The following ZNF593OS variants were observed in gnomAD, a reference collection of about 807,000 sequenced individuals.
ZNF593OS encodes the protein transmembrane protein ZNF593OS.
chr1:26,169,968 C>A (rs192858572), downstream of ZNF593OS: 269 of 1,531,082 alleles, frequency 1.8e-4, 1 homozygote, highest in African/African-American at 3.5e-3. Flanking sequence ...CTTGGCCGGC[C>A]GGGCTGTTTC....
downstream of ZNF593OS, chr1:26,170,386 C>T (rs771627071): frequency 4.3e-5 from 69 of 1,601,120 alleles, no homozygotes; most frequent in Non-Finnish European, 5.7e-5. Context: ...ACTATCACCT[C>T]CTCACTCTCC....
At chr1:26,170,213 G>A (rs567699749), downstream of ZNF593OS, 42 of 1,578,950 alleles carry the variant, frequency 2.7e-5, no homozygotes, top group South Asian at 3.9e-4. Context: ...GGCCTGGGGC[G>A]GAGGAGGGTC....
chr1:26,170,411 C>T (rs756607958), downstream of ZNF593OS: 4 of 1,612,916 alleles, frequency 2.5e-6, no homozygotes, highest in South Asian at 3.3e-5. Flanking sequence ...CACTTCCATT[C>T]CTACAGGAGG....
chr1:26,170,520 A>G, exon 2 of ZNF593OS: 2 of 1,614,206 alleles, frequency 1.2e-6, no homozygotes, highest in Non-Finnish European at 1.7e-6. Context: ...ATGGGTGCTC[A>G]GCAGATAGGG....
At chr1:26,169,970 G>A (rs751624396), downstream of ZNF593OS, 163 of 1,533,000 alleles carry the variant, frequency 1.1e-4, no homozygotes, top group Middle Eastern at 6.8e-4. Flanking sequence ...TGGCCGGCCG[G>A]GCTGTTTCTG....
At position 26,171,072 on chromosome 1, in the gene ZNF593OS, A is replaced by T; in HGVS notation, c.*117T>A. 1 of 476,038 alleles carries T rather than the reference A, an allele frequency of 2.1e-6. No homozygotes were observed. The highest frequency in any genetic ancestry group is 5.0e-5 in the South Asian group (1 of 19,880). 29.5% of individuals were successfully genotyped at this position (476,038 alleles called of 1,614,324 possible). On this transcript the variant is annotated 3_prime_UTR_variant, in exon 2 of 2. Transcript: ENST00000648649. This position sits in a 1 kb window ranked among gnomAD's most constrained non-coding sequence, Gnocchi z 5.5. ...AGTGTGGGGTGGCGGGAGTGGGATC[A>T]GATTACTCTGTCCTGCTTCTGACAG...
chr1:26,170,317 A>G, downstream of ZNF593OS: 3 of 1,531,630 alleles, frequency 2.0e-6, no homozygotes, highest in Non-Finnish European at 2.6e-6. Flanking sequence ...CCCGTTTCTC[A>G]GACCCGGATC....
downstream of ZNF593OS, chr1:26,170,298 C>T: frequency 2.0e-6 from 3 of 1,525,848 alleles, no homozygotes; most frequent in South Asian, 3.7e-5. Flanking sequence ...CCCGTGGGTC[C>T]GCCCGCCTCC....
downstream of ZNF593OS, chr1:26,169,993 T>TCC (rs760533348): frequency 1.7e-5 from 27 of 1,547,172 alleles, no homozygotes; most frequent in Non-Finnish European, 2.3e-5. Flanking sequence ...CATGGGTCGC[T>TCC]CCCGCCGGAC....
At chr1:26,170,803 C>T in exon 2 of ZNF593OS, 2 of 1,512,638 alleles carry the variant, frequency 1.3e-6, no homozygotes, top group Non-Finnish European at 1.8e-6. Context: ...ACCCCTTTTG[C>T]CTCTGGGTTT....
downstream of ZNF593OS, chr1:26,169,870 C>T: frequency 6.7e-6 from 8 of 1,195,106 alleles, no homozygotes; most frequent in Non-Finnish European, 8.9e-6. Flanking sequence ...GCGGTCCGGC[C>T]GAGCCTGCCT....
exon 2 of ZNF593OS, chr1:26,170,809 G>A (rs1196195179): frequency 6.0e-6 from 9 of 1,490,666 alleles, no homozygotes; most frequent in Non-Finnish European, 1.8e-6. Flanking sequence ...TTTGCCTCTG[G>A]GTTTGGGGAG....
At chr1:26,170,324 G>T, downstream of ZNF593OS, 2 of 1,535,254 alleles carry the variant, frequency 1.3e-6, no homozygotes, top group Non-Finnish European at 1.8e-6. Context: ...CTCAGACCCG[G>T]ATCCTGGCGT....
chr1:26,169,912 G>A (rs1324150816), downstream of ZNF593OS: 6 of 1,406,910 alleles, frequency 4.3e-6, no homozygotes, highest in African/African-American at 8.9e-5. Flanking sequence ...GTAGCTGATC[G>A]GCCCGGAAGT....
Position 26,171,355 on chromosome 1 carries a change from G to T in ZNF593OS, c.46-20C>A, listed in dbSNP as rs2088495459. 5.0e-6 allele frequency: 2 copies of T among 400,352 alleles called. No homozygotes were observed. Among genetic ancestry groups the T allele is most frequent in the Non-Finnish European group, 8.8e-6 (2 of 227,396 alleles). 24.8% of individuals were successfully genotyped at this position (400,352 alleles called of 1,614,324 possible). Reference sequence around the variant, plus strand: ...CTGCATCTGGAGGTGCACAGAGGGTGTGCCTCAGGGGTCAGTTGAGACTGC... The same window carrying T: ...CTGCATCTGGAGGTGCACAGAGGGTTTGCCTCAGGGGTCAGTTGAGACTGC... On this transcript the variant is annotated intron_variant, in intron 1 of 1. Coordinates refer to ENST00000648649, the Ensembl canonical transcript of ZNF593OS. The surrounding 1 kb of genome is among the most constrained non-coding windows in gnomAD (Gnocchi z 5.5).
downstream of ZNF593OS, chr1:26,169,702 C>A (rs927418288): frequency 2.6e-5 from 13 of 492,820 alleles, no homozygotes; most frequent in Admixed American, 4.5e-4. Context: ...CCCCGAAACC[C>A]CCAGGCGCAC....
downstream of ZNF593OS, chr1:26,170,183 CGT>C (rs1279191173): frequency 6.4e-7 from 1 of 1,572,620 alleles, no homozygotes; most frequent in Non-Finnish European, 8.6e-7. Context: ...CTGGCCTGCG[CGT>C]GAGTCCCGGA....
exon 2 of ZNF593OS, chr1:26,170,909 A>T: frequency 1.4e-6 from 1 of 704,394 alleles, no homozygotes; most frequent in Non-Finnish European, 2.3e-6. Context: ...CCGCTGTCTC[A>T]AACTCCTGCC....
At chr1:26,170,021 ACT>A (rs762090841), downstream of ZNF593OS, 68 of 1,565,884 alleles carry the variant, frequency 4.3e-5, no homozygotes, top group Non-Finnish European at 5.4e-5. Context: ...CACCGAGCGC[ACT>A]CTCTAGCCCG....
Sources: gnomAD v4.1 joint callset for allele counts on GRCh38, gnomAD v4.1.1 for gene constraint, Gnocchi (gnomAD v3.1) non-coding constraint, MANE v1.5 for transcripts, NCBI Gene and HGNC (gene_info 2026-07-23, HGNC 2026-07-21) for gene names.